NEMP2: variants seen among roughly 807,000 people sequenced by gnomAD.
The protein encoded by NEMP2 is nuclear envelope integral membrane protein 2, also known as UPF0571 transmembrane protein.
In NEMP2, 53 loss-of-function variants were observed where a neutral mutation model predicts 54.2. The observed-to-expected ratio is 0.98, with a 90% confidence interval of 0.78 to 1.23. The LOEUF (loss-of-function observed/expected upper bound fraction) is 1.23. NEMP2 is among the 50% of genes most tolerant of loss of function. NEMP2 has a pLI of 0.00. For synonymous variants in NEMP2, 197 were observed against 190.3 expected (o/e 1.04, Z -0.29); for missense variants, 455 against 511.3 (o/e 0.89, Z 1.06).
the NEMP2 span, chr2:190,626,846 C>T: frequency 3.9e-5 from 6 of 152,160 alleles, no homozygotes; most frequent in Admixed American, 3.3e-4. This position sits in a 1 kb window ranked among gnomAD's most constrained non-coding sequence, Gnocchi z 4.5. Context: ...GTCAGTATTA[C>T]AGGATGATGA....
the NEMP2 span, among the ~76,000 whole-genome samples, chr2:190,547,826 G>A: frequency 2.0e-5 from 3 of 152,196 alleles, no homozygotes; most frequent in Non-Finnish European, 4.4e-5. The surrounding 1 kb of genome is among the most constrained non-coding windows in gnomAD (Gnocchi z 6.2). Context: ...GTGAGCCACC[G>A]TGCCCATCCA....
At chr2:190,476,617 T>G in the NEMP2 span, among the ~76,000 whole-genome samples, 2 of 152,328 alleles carry the variant, frequency 1.3e-5, no homozygotes, top group African/African-American at 4.8e-5. Flanking sequence ...GACTGTAAAC[T>G]AATTCAACCA....
At chr2:190,616,776 T>C in the NEMP2 span, 1 of 152,202 alleles carries the variant, frequency 6.6e-6, no homozygotes, top group Non-Finnish European at 1.5e-5. The surrounding 1 kb of genome is among the most constrained non-coding windows in gnomAD (Gnocchi z 5.1). Context: ...ACTGTAGTAA[T>C]GTTTTATAAC....
At chr2:190,463,813 C>CT in the NEMP2 span, 1 of 909,780 alleles carries the variant, frequency 1.1e-6, no homozygotes, top group South Asian at 5.1e-5. The surrounding 1 kb of genome is among the most constrained non-coding windows in gnomAD (Gnocchi z 4.4). Context: ...GAGCAAGACC[C>CT]TGTCTCAAAA....
At chr2:190,515,672 G>A (rs1348152976) in intron 6 of NEMP2, among the ~76,000 whole-genome samples, 1 of 152,148 alleles carries the variant, frequency 6.6e-6, no homozygotes, top group Non-Finnish European at 1.5e-5. Context: ...CAACTTAATT[G>A]CTTTTGTTTT....
the NEMP2 span, among the ~76,000 whole-genome samples, chr2:190,597,043 C>T: frequency 2.0e-5 from 3 of 152,064 alleles, no homozygotes; most frequent in Non-Finnish European, 4.4e-5. This position sits in a 1 kb window ranked among gnomAD's most constrained non-coding sequence, Gnocchi z 4.7. Context: ...AGGGAGATAG[C>T]TTGAGCCCAG....
the NEMP2 span, among the ~76,000 whole-genome samples, chr2:190,606,153 T>C: frequency 6.6e-6 from 1 of 152,342 alleles, no homozygotes; most frequent in East Asian, 1.9e-4. Flanking sequence ...TTACAGTTTG[T>C]CTTTTCTTTC....
At chr2:190,619,583 T>C in the NEMP2 span, among the ~76,000 whole-genome samples, 1 of 152,020 alleles carries the variant, frequency 6.6e-6, no homozygotes, top group Non-Finnish European at 1.5e-5. The surrounding 1 kb of genome is among the most constrained non-coding windows in gnomAD (Gnocchi z 5.5). Flanking sequence ...AGTTAAAAGA[T>C]TTTTTTTAAA....
chr2:190,424,559 T>A, the NEMP2 span, among the ~76,000 whole-genome samples: 3 of 152,182 alleles, frequency 2.0e-5, no homozygotes, highest in African/African-American at 7.2e-5. The surrounding 1 kb of genome is among the most constrained non-coding windows in gnomAD (Gnocchi z 5.9). Context: ...GGTCTCGAAC[T>A]CCTGACCTCA....
chr2:190,611,903 T>C, the NEMP2 span, among the ~76,000 whole-genome samples: 5 of 152,286 alleles, frequency 3.3e-5, no homozygotes, highest in African/African-American at 1.2e-4. This position sits in a 1 kb window ranked among gnomAD's most constrained non-coding sequence, Gnocchi z 5.4. Flanking sequence ...TAGGCAGAAA[T>C]GCAGATAAGG....
At chr2:190,479,528 T>C in the NEMP2 span, among the ~76,000 whole-genome samples, 1 of 152,180 alleles carries the variant, frequency 6.6e-6, no homozygotes, top group Non-Finnish European at 1.5e-5. Context: ...CAATTAAACA[T>C]TCATGATTTT....
the NEMP2 span, among the ~76,000 whole-genome samples, chr2:190,438,214 A>T: frequency 4.1e-5 from 1 of 24,226 alleles, no homozygotes; most frequent in Admixed American, 5.5e-4. The surrounding 1 kb of genome is among the most constrained non-coding windows in gnomAD (Gnocchi z 5.2). Flanking sequence ...TCTTTTAGTT[A>T]TAAAAAAAAA....
chr2:190,624,191 T>G, the NEMP2 span, among the ~76,000 whole-genome samples: 1 of 152,096 alleles, frequency 6.6e-6, no homozygotes, highest in South Asian at 2.1e-4. Flanking sequence ...CAACAGGTAT[T>G]AAAAAAATGG....
the NEMP2 span, among the ~76,000 whole-genome samples, chr2:190,451,149 G>T: frequency 0.23 from 35,107 of 152,134 alleles, 4,970 homozygotes; most frequent in South Asian, 0.33. The surrounding 1 kb of genome is among the most constrained non-coding windows in gnomAD (Gnocchi z 5.0). Context: ...TATAAAAAGT[G>T]TATGTGTGTG....
the NEMP2 span, among the ~76,000 whole-genome samples, chr2:190,430,873 C>T: frequency 1.1e-4 from 16 of 149,644 alleles, no homozygotes; most frequent in East Asian, 2.0e-4. Context: ...CCGGACGGGG[C>T]GGCTGCCGGG....
chr2:190,429,760 C>T, the NEMP2 span, among the ~76,000 whole-genome samples: 1 of 151,836 alleles, frequency 6.6e-6, no homozygotes, highest in South Asian at 2.1e-4. Flanking sequence ...GTTATTTAAT[C>T]TTTGACTTTT....
chr2:190,569,183 C>T, the NEMP2 span, among the ~76,000 whole-genome samples: 1 of 152,046 alleles, frequency 6.6e-6, no homozygotes, highest in Non-Finnish European at 1.5e-5. Context: ...AAGCTCTGTG[C>T]ATTTATAACT....
At position 190,527,296 on chromosome 2, in the gene NEMP2, T is replaced by A. The variant is rs1690974356; in HGVS notation, c.98-1918A>T. ...ATCACATCCATGTAGGGAATAATACTGAATATGCTCACACAAGGCCCTGGT... is the reference window on the plus strand; with the variant it reads ...ATCACATCCATGTAGGGAATAATACAGAATATGCTCACACAAGGCCCTGGT... On this transcript the variant is annotated intron_variant, in intron 1 of 8. Coordinates refer to ENST00000409150, the MANE Select transcript of NEMP2 (RefSeq NM_001142645.2). The surrounding 1 kb of genome is among the most constrained non-coding windows in gnomAD (Gnocchi z 4.0). 6.6e-6 allele frequency among the ~76,000 whole-genome samples: 1 copy of A among 152,172 alleles called. No individual in the cohort carries two copies. Among genetic ancestry groups the A allele is most frequent in the Admixed American group, 6.5e-5 (1 of 15,284 alleles).
At chr2:190,437,999 GC>G in the NEMP2 span, among the ~76,000 whole-genome samples, 1 of 151,512 alleles carries the variant, frequency 6.6e-6, no homozygotes, top group Non-Finnish European at 1.5e-5. The surrounding 1 kb of genome is among the most constrained non-coding windows in gnomAD (Gnocchi z 5.9). Flanking sequence ...CATAGATAGA[GC>G]CTGAATATAT....
Sources: gnomAD v4.1 joint callset for allele counts (sites outside exome capture counted in the v4.1 genomes callset) on GRCh38, gnomAD v4.1.1 for gene constraint, Gnocchi (gnomAD v3.1) non-coding constraint, MANE v1.5 for transcripts, NCBI Gene and HGNC (gene_info 2026-07-23, HGNC 2026-07-21) for gene names.